SNX18: variants seen among roughly 807,000 people sequenced by gnomAD.
SNX18 encodes sorting nexin 18.
Under a neutral mutation model 48.7 loss-of-function variants are expected in SNX18, and 35 were observed. That is an observed-to-expected ratio of 0.72 (90% CI 0.55 to 0.95). The LOEUF is 0.95. SNX18 is among the 40% of genes least tolerant of loss of function. The pLI is 0.00. For missense variants in SNX18, 824 were observed against 871.0 expected, an observed-to-expected ratio of 0.95 and a Z score of 0.68; for synonymous variants, 492 against 384.7, an observed-to-expected ratio of 1.28 and a Z score of -3.26.
the SNX18 span, among the ~76,000 whole-genome samples, chr5:54,605,438 C>T: frequency 5.9e-5 from 9 of 152,046 alleles, no homozygotes; most frequent in South Asian, 2.1e-4. Flanking sequence ...TAGTGTGTTA[C>T]GTACCAGGAA....
the SNX18 span, among the ~76,000 whole-genome samples, chr5:54,588,935 A>G: frequency 6.6e-6 from 1 of 152,204 alleles, no homozygotes; most frequent in Non-Finnish European, 1.5e-5. Context: ...CTGGGTGCAT[A>G]GTTTGGGAAC....
At chr5:54,571,067 C>T in the SNX18 span, among the ~76,000 whole-genome samples, 6 of 152,144 alleles carry the variant, frequency 3.9e-5, no homozygotes, top group Non-Finnish European at 5.9e-5. Flanking sequence ...ATAGGCCTTG[C>T]ACCCCTTGGT....
the SNX18 span, among the ~76,000 whole-genome samples, chr5:54,569,606 G>T: frequency 6.6e-6 from 1 of 152,092 alleles, no homozygotes; most frequent in Non-Finnish European, 1.5e-5. Context: ...GCTGGCACCT[G>T]GGTTGAGTAA....
chr5:54,645,633 C>T, the SNX18 span: 3 of 152,324 alleles, frequency 2.0e-5, no homozygotes, highest in South Asian at 2.1e-4. Flanking sequence ...GGTTACAACA[C>T]GAATGTCTTC....
the SNX18 span, among the ~76,000 whole-genome samples, chr5:54,591,660 GA>G: frequency 6.6e-6 from 1 of 152,200 alleles, no homozygotes; most frequent in African/African-American, 2.4e-5. Flanking sequence ...AGTAGAAAGA[GA>G]AATATCTTTT....
the SNX18 span, among the ~76,000 whole-genome samples, chr5:54,558,501 T>G: frequency 6.6e-6 from 1 of 152,166 alleles, no homozygotes; most frequent in Non-Finnish European, 1.5e-5. Context: ...GACCATACAT[T>G]ACTATTCAGA....
chr5:54,550,424 T>C (rs957799802), downstream of SNX18, among the ~76,000 whole-genome samples: 3 of 151,392 alleles, frequency 2.0e-5, no homozygotes, highest in African/African-American at 7.3e-5. Context: ...TGAAAAACTG[T>C]AGGTATCTAT....
At position 54,543,210 on chromosome 5, in the gene SNX18, A is replaced by T. The variant is rs934144345; in HGVS notation, c.1653A>T (p.Arg551=). Residue 551 remains arginine, a synonymous_variant, in exon 2 of 2, where the codon CGA becomes CGT. Coordinates refer to ENST00000381410, the MANE Select transcript of SNX18 (RefSeq NM_001102575.2). The part of the protein sequence containing the change: ...GALTKVKESR[R]HVEEGKMEVQ... ...TTACCAAAGTCAAGGAGAGTAGGCG[A>T]CACGTGGAGGAAGGGAAGATGGAGG... 3.1e-6 allele frequency: 5 copies of T among 1,614,016 alleles called. No individual in the cohort carries two copies. The highest frequency in any genetic ancestry group is 1.7e-5 in the Admixed American group (1 of 59,994).
At position 54,518,741 on chromosome 5, in the gene SNX18, G is replaced by T. The variant is rs1376137362; in HGVS notation, c.789G>T (p.Gly263=). 2 of 1,605,772 alleles carry T rather than the reference G, an allele frequency of 1.2e-6. No individual in the cohort carries two copies. The highest frequency in any genetic ancestry group is 1.7e-6 in the Non-Finnish European group (2 of 1,175,808). The part of the protein sequence containing the change: ...KDGDKLCVVL[G]PYGPEWQENP... ...GGGACAAGCTGTGCGTGGTGCTGGG[G>T]CCCTATGGCCCCGAGTGGCAGGAGA... is the stretch of plus-strand genomic sequence containing the variant. Residue 263 remains glycine (G), a synonymous_variant, in exon 1 of 2, where the codon GGG becomes GGT. Transcript: ENST00000381410.
the SNX18 span, among the ~76,000 whole-genome samples, chr5:54,607,088 G>A: frequency 3.9e-5 from 6 of 152,092 alleles, no homozygotes; most frequent in Admixed American, 3.9e-4. Flanking sequence ...TTTGAGAAAG[G>A]CCTTTGTGTG....
chr5:54,559,806 A>G, the SNX18 span, among the ~76,000 whole-genome samples: 1 of 152,346 alleles, frequency 6.6e-6, no homozygotes, highest in South Asian at 2.1e-4. Context: ...TTTGCAAACT[A>G]TATAACTGAC....
At chr5:54,533,858 G>T (rs1377109654) in intron 1 of SNX18, among the ~76,000 whole-genome samples, 6 of 152,210 alleles carry the variant, frequency 3.9e-5, no homozygotes, top group South Asian at 4.2e-4. Context: ...AGAGCAGAGA[G>T]GGGGAAGGGT....
the SNX18 span, among the ~76,000 whole-genome samples, chr5:54,634,648 A>C: frequency 6.6e-6 from 1 of 152,106 alleles, no homozygotes; most frequent in South Asian, 2.1e-4. Flanking sequence ...GCCTGCAACA[A>C]TTTAGACCCC....
the SNX18 span, among the ~76,000 whole-genome samples, chr5:54,642,491 T>C: frequency 8.5e-5 from 13 of 152,140 alleles, no homozygotes; most frequent in Admixed American, 8.5e-4. Context: ...TGGCTACTTC[T>C]TGCCAAACAG....
chr5:54,552,086 C>G, the SNX18 span, among the ~76,000 whole-genome samples: 3 of 152,222 alleles, frequency 2.0e-5, no homozygotes, highest in East Asian at 5.8e-4. Flanking sequence ...ACAGTGCTGG[C>G]TTTGTTCCGC....
At chr5:54,597,869 G>A in the SNX18 span, among the ~76,000 whole-genome samples, 1 of 151,782 alleles carries the variant, frequency 6.6e-6, no homozygotes, top group Non-Finnish European at 1.5e-5. Flanking sequence ...GCTAGCAGAA[G>A]ACAAGAAATA....
chr5:54,642,202 T>C, the SNX18 span, among the ~76,000 whole-genome samples: 1 of 152,342 alleles, frequency 6.6e-6, no homozygotes, highest in East Asian at 1.9e-4. Flanking sequence ...ACAATGCTCC[T>C]GTAAATCTTT....
chr5:54,573,685 T>C, the SNX18 span, among the ~76,000 whole-genome samples: 1 of 152,060 alleles, frequency 6.6e-6, no homozygotes, highest in Non-Finnish European at 1.5e-5. Context: ...CCTTTAGAAA[T>C]GGGACACCCC....
At chr5:54,520,645 T>A (rs1171056526) in intron 1 of SNX18, 1 of 166,902 alleles carries the variant, frequency 6.0e-6, no homozygotes, top group African/African-American at 2.4e-5. Flanking sequence ...CTCTGGCATG[T>A]CTTTTCTTGT....
Sources: gnomAD v4.1 joint callset for allele counts (sites outside exome capture counted in the v4.1 genomes callset) on GRCh38, gnomAD v4.1.1 for gene constraint, MANE v1.5 for transcripts, NCBI Gene and HGNC (gene_info 2026-07-23, HGNC 2026-07-21) for gene names.